Variants in PHACTR1 observed in about 807,000 individuals in gnomAD.
The protein encoded by PHACTR1 is RPEL repeat containing 1.
Under a neutral mutation model 69.2 loss-of-function variants are expected in PHACTR1, and 16 were observed. The observed-to-expected ratio is 0.23, with a 90% confidence interval of 0.16 to 0.35. PHACTR1 has a LOEUF of 0.35. PHACTR1 is among the 10% of genes least tolerant of loss of function. The pLI, the probability that PHACTR1 is intolerant of heterozygous loss-of-function variation, is 1.00. For missense variants in PHACTR1, 510 were observed against 734.7 expected, an observed-to-expected ratio of 0.69 and a Z score of 3.54; for synonymous variants, 312 against 284.5, an observed-to-expected ratio of 1.10 and a Z score of -0.97.
intron 4 of PHACTR1, among the ~76,000 whole-genome samples, chr6:12,915,521 G>C (rs9766751): frequency 1.7e-5 from 2 of 120,262 alleles, no homozygotes; most frequent in East Asian, 2.8e-4. Context: ...AAAAAAAAAA[G>C]AAAAAAAAAA....
intron 5 of PHACTR1, among the ~76,000 whole-genome samples, chr6:13,095,708 G>A (rs1021382921): frequency 3.1e-4 from 41 of 130,256 alleles, no homozygotes; most frequent in Non-Finnish European, 6.0e-4. Context: ...CTTTAGAAAT[G>A]TAAATTGATA....
intron 4 of PHACTR1, among the ~76,000 whole-genome samples, chr6:12,778,611 T>C (rs577347110): frequency 6.6e-6 from 1 of 152,308 alleles, no homozygotes; most frequent in African/African-American, 2.4e-5. Flanking sequence ...GTATTATAAA[T>C]CAAATCCCTT....
rs536930432 is a variant in PHACTR1 at position 12,759,065 on chromosome 6, G to A, written c.250+9275G>A. Among the ~76,000 whole-genome samples the A allele has an allele frequency of 1.5e-4, 22 of 149,182 alleles. No homozygotes were observed. The South Asian group carries it at 3.4e-3, about 23-fold the overall frequency. ...CTTGAACCTGGGAGGCAGAGGTTGC[G>A]GTGAGCCAAGATCATGCCATTGCAC... On this transcript the variant is annotated intron_variant, in intron 4 of 14. Transcript: ENST00000332995.
intron 8 of PHACTR1, among the ~76,000 whole-genome samples, chr6:13,218,220 A>G (rs183351558): frequency 6.6e-6 from 1 of 152,336 alleles, no homozygotes; most frequent in Admixed American, 6.5e-5. Context: ...AGTGATTTTC[A>G]ATTTTATGAC....
intron 6 of PHACTR1, among the ~76,000 whole-genome samples, chr6:13,173,492 A>G (rs945946065): frequency 3.9e-5 from 6 of 152,236 alleles, no homozygotes; most frequent in African/African-American, 4.8e-5. Flanking sequence ...GAGATTGACA[A>G]ATGCCTCAGA....
chr6:12,970,759 C>T (rs934144570), intron 4 of PHACTR1, among the ~76,000 whole-genome samples: 2 of 152,146 alleles, frequency 1.3e-5, no homozygotes, highest in Non-Finnish European at 2.9e-5. Context: ...CTGTCTCAAA[C>T]AAACAAGCAA....
chr6:13,114,970 A>G (rs1020550044), intron 5 of PHACTR1, among the ~76,000 whole-genome samples: 25 of 152,198 alleles, frequency 1.6e-4, no homozygotes, highest in Admixed American at 5.2e-4. Context: ...TATTTTATGT[A>G]TAAGAAAACA....
At chr6:12,842,382 G>T (rs1019266125) in intron 4 of PHACTR1, among the ~76,000 whole-genome samples, 1 of 152,178 alleles carries the variant, frequency 6.6e-6, no homozygotes, top group Non-Finnish European at 1.5e-5. Context: ...TTCCTGTAAG[G>T]ACAATGTTGT....
rs187445934 is a variant in PHACTR1 at position 13,269,741 on chromosome 6, G to A, written c.1392-3119G>A. ...CCCAGCTACTCAGGAGGCTGAGGCA[G>A]GAGAATCGCTTGAACCCGAGAGGCA... On this transcript the variant is annotated intron_variant, in intron 10 of 14. Transcript: ENST00000332995. Among the ~76,000 whole-genome samples, 9 of 152,318 alleles carry A rather than the reference G, an allele frequency of 5.9e-5. No homozygotes were observed. In the East Asian group the frequency reaches 1.7e-3, roughly 29 times the overall value.
chr6:13,039,055 G>A (rs932724908), intron 4 of PHACTR1, among the ~76,000 whole-genome samples: 25 of 152,204 alleles, frequency 1.6e-4, no homozygotes, highest in African/African-American at 6.0e-4. Context: ...CTCAGAGGAG[G>A]CTGGGAAACA....
intron 4 of PHACTR1, among the ~76,000 whole-genome samples, chr6:13,043,594 T>G (rs1804550637): frequency 6.6e-6 from 1 of 152,252 alleles, no homozygotes; most frequent in Non-Finnish European, 1.5e-5. Context: ...AGTCTACTGC[T>G]GCTTTTACAG....
At chr6:12,828,903 A>T (rs758462026) in intron 4 of PHACTR1, among the ~76,000 whole-genome samples, 5 of 152,166 alleles carry the variant, frequency 3.3e-5, no homozygotes, top group Non-Finnish European at 4.4e-5. Flanking sequence ...GTTGTATAGT[A>T]CTGTAGAGTG....
intron 4 of PHACTR1, among the ~76,000 whole-genome samples, chr6:12,909,606 C>G (rs2127493768): frequency 6.6e-6 from 1 of 152,298 alleles, no homozygotes; most frequent in East Asian, 1.9e-4. Context: ...TGAAAACAAC[C>G]TTGCTCATTT....
chr6:12,994,988 G>A (rs1332242274), intron 4 of PHACTR1, among the ~76,000 whole-genome samples: 1 of 152,086 alleles, frequency 6.6e-6, no homozygotes, highest in Non-Finnish European at 1.5e-5. Context: ...CTGCCATTCA[G>A]AAAGAAGAAA....
At chr6:13,209,783 G>A (rs1015563516) in intron 8 of PHACTR1, among the ~76,000 whole-genome samples, 2 of 152,180 alleles carry the variant, frequency 1.3e-5, no homozygotes, top group Non-Finnish European at 2.9e-5. Context: ...AGGTCTGACT[G>A]TTAGAAAGTT....
chr6:13,184,956 C>G, intron 7 of PHACTR1: 1 of 1,366,586 alleles, frequency 7.3e-7, no homozygotes, highest in Non-Finnish European at 9.8e-7. Context: ...TCAAGCAGCC[C>G]CCGGCCCTGC....
chr6:13,067,099 C>A (rs1808765015), intron 5 of PHACTR1, among the ~76,000 whole-genome samples: 1 of 152,180 alleles, frequency 6.6e-6, no homozygotes, highest in South Asian at 2.1e-4. Context: ...TGTGCTTCAA[C>A]AATGTTACAC....
intron 4 of PHACTR1, among the ~76,000 whole-genome samples, chr6:13,030,701 G>T (rs1003728551): frequency 6.6e-6 from 1 of 152,116 alleles, no homozygotes; most frequent in Admixed American, 6.5e-5. Context: ...GCTGTCTGTT[G>T]GTACTGAAGA....
chr6:12,904,801 G>A (rs9472890), intron 4 of PHACTR1, among the ~76,000 whole-genome samples: 5,053 of 152,204 alleles, frequency 0.033, 224 homozygotes, highest in South Asian at 0.1. Flanking sequence ...TCTGAGAGAG[G>A]TGGATCTCAA....
Sources: allele counts gnomAD v4.1 joint callset (sites outside exome capture counted in the v4.1 genomes callset), GRCh38; gene constraint gnomAD v4.1.1; transcripts MANE v1.5; gene names NCBI Gene and HGNC (gene_info 2026-07-23, HGNC 2026-07-21).